ANXA13: variants seen among roughly 807,000 people sequenced by gnomAD.
The protein encoded by ANXA13 is annexin A13.
A neutral mutation model predicts 46.6 loss-of-function variants in ANXA13; 36 were observed. The ratio of observed to expected loss-of-function variants is 0.77; its 90% CI spans 0.59 to 1.02. The LOEUF (loss-of-function observed/expected upper bound fraction) is 1.02. Ranked by LOEUF, ANXA13 falls within the 50% of genes least tolerant of loss-of-function variation. The pLI is 0.00. For missense variants in ANXA13, 417 were observed against 396.5 expected (o/e 1.05, Z -0.44); for synonymous variants, 163 against 152.9 (o/e 1.07, Z -0.49).
chr8:123,688,355 C>G (rs1046266052), intron 9 of ANXA13, among the ~76,000 whole-genome samples: 3 of 152,206 alleles, frequency 2.0e-5, no homozygotes, highest in Non-Finnish European at 4.4e-5. Context: ...GATTGTGAGG[C>G]CTCCCCAGGC....
chr8:123,707,106 C>G (rs1252585342), intron 2 of ANXA13, among the ~76,000 whole-genome samples: 2 of 152,200 alleles, frequency 1.3e-5, no homozygotes, highest in Non-Finnish European at 2.9e-5. Context: ...CCATGGTATT[C>G]CCACAGAAGG....
intron 1 of ANXA13, among the ~76,000 whole-genome samples, chr8:123,727,368 C>T (rs1295982382): frequency 6.6e-6 from 1 of 151,854 alleles, no homozygotes; most frequent in South Asian, 2.1e-4. Flanking sequence ...TAGGGACATG[C>T]CTGGGCCAGA....
At chr8:123,713,362 A>T (rs921938413) in intron 1 of ANXA13, among the ~76,000 whole-genome samples, 9 of 152,246 alleles carry the variant, frequency 5.9e-5, no homozygotes, top group African/African-American at 2.2e-4. Flanking sequence ...GGCACAATAC[A>T]TGCACTATTG....
At chr8:123,729,756 G>A (rs890915211) in intron 1 of ANXA13, among the ~76,000 whole-genome samples, 2 of 151,900 alleles carry the variant, frequency 1.3e-5, no homozygotes, top group African/African-American at 4.8e-5. Flanking sequence ...CAGAGCTCCT[G>A]TTAGAATTGA....
At chr8:123,722,541 A>T (rs558440441) in intron 1 of ANXA13, among the ~76,000 whole-genome samples, 1 of 152,194 alleles carries the variant, frequency 6.6e-6, no homozygotes, top group Non-Finnish European at 1.5e-5. Flanking sequence ...AATAGAAAGT[A>T]AAATGAAAAA....
At chr8:123,721,586 T>C (rs1813873655) in intron 1 of ANXA13, among the ~76,000 whole-genome samples, 1 of 152,204 alleles carries the variant, frequency 6.6e-6, no homozygotes, top group South Asian at 2.1e-4. Flanking sequence ...TGGTGCTTTG[T>C]GTAGTGCCTT....
rs762365111 is a variant in ANXA13 at position 123,684,605 on chromosome 8, CT to C, written c.831+4del. 12 of 1,606,204 alleles carry C rather than the reference CT, an allele frequency of 7.5e-6. No homozygotes were observed. In the African/African-American group the frequency reaches 1.6e-4, roughly 22 times the overall value. ...CCGCCTCTTTGGAGTCGGAGTGTGT[CT>C]TACCTCGGCCCTGGTCACGACTATG... On this transcript the variant is annotated splice_donor_region_variant and intron_variant, in intron 10 of 10. Coordinates refer to ENST00000419625, the MANE Select transcript of ANXA13 (RefSeq NM_004306.4).
At chr8:123,701,191 C>T (rs1813440728) in intron 3 of ANXA13, among the ~76,000 whole-genome samples, 1 of 152,154 alleles carries the variant, frequency 6.6e-6, no homozygotes, top group African/African-American at 2.4e-5. Flanking sequence ...AATTCAGCTT[C>T]AGGCCAGGCA....
intron 2 of ANXA13, among the ~76,000 whole-genome samples, chr8:123,707,742 G>A (rs1312651331): frequency 6.6e-6 from 1 of 152,108 alleles, no homozygotes; most frequent in African/African-American, 2.4e-5. Context: ...AATACCTAAT[G>A]TAGATAACGG....
chr8:123,686,465 AAAAAAAAAG>A (rs1221074582), intron 9 of ANXA13, among the ~76,000 whole-genome samples: 2 of 146,736 alleles, frequency 1.4e-5, no homozygotes, highest in African/African-American at 5.0e-5. Flanking sequence ...GTCTTAAAAA[AAAAAAAAAG>A]AAAGAAAGAA....
At chr8:123,700,106 C>T (rs985237726) in intron 3 of ANXA13, among the ~76,000 whole-genome samples, 1 of 152,210 alleles carries the variant, frequency 6.6e-6, no homozygotes. Context: ...TGCAGTCCTA[C>T]AAGGGGGCTG....
At chr8:123,724,808 G>A (rs1813951630) in intron 1 of ANXA13, among the ~76,000 whole-genome samples, 1 of 152,182 alleles carries the variant, frequency 6.6e-6, no homozygotes. Context: ...CCAGGGGTTG[G>A]CAAACTGCAG....
intron 3 of ANXA13, among the ~76,000 whole-genome samples, chr8:123,701,934 T>G (rs1046713354): frequency 6.6e-6 from 1 of 152,232 alleles, no homozygotes; most frequent in Non-Finnish European, 1.5e-5. Flanking sequence ...AATTGTTACC[T>G]GCTCAGTATC....
intron 9 of ANXA13, among the ~76,000 whole-genome samples, chr8:123,686,929 T>A (rs1241945673): frequency 1.3e-5 from 2 of 152,252 alleles, no homozygotes; most frequent in South Asian, 2.1e-4. Flanking sequence ...ATCACTTTTT[T>A]TCGCTACCAC....
intron 1 of ANXA13, among the ~76,000 whole-genome samples, chr8:123,717,964 GCCCAGACTCGCA>G (rs1014613715): frequency 1.3e-5 from 2 of 152,220 alleles, no homozygotes; most frequent in African/African-American, 4.8e-5. Flanking sequence ...TGGGGCTCAC[GCCCAGACTCGCA>G]CCCAGGCTCG....
Position 123,693,252 on chromosome 8 carries a change from A to T in ANXA13, c.587T>A (p.Val196Asp). ...WGTDELAFNEVLAKRSYKQLR... is the reference protein window; with the variant it reads ...WGTDELAFNEDLAKRSYKQLR... Reference sequence around the variant, plus strand: ...CTGCTTGTAGCTCCTCTTGGCCAGGACTTCATTGAACGCAAGCTCATCAGT... The same window carrying T: ...CTGCTTGTAGCTCCTCTTGGCCAGGTCTTCATTGAACGCAAGCTCATCAGT... Residue 196 changes from valine to aspartate, a missense_variant, in exon 8 of 11, where the codon GTC (valine) becomes GAC (aspartate). Transcript: ENST00000419625. 6.2e-7 allele frequency: 1 copy of T among 1,614,122 alleles called. No individual in the cohort carries two copies.
chr8:123,722,382 G>GAAAGAAAGAAAGAAAGAAAGAAAGAAAGA (rs1316103645), intron 1 of ANXA13, among the ~76,000 whole-genome samples: 9 of 126,250 alleles, frequency 7.1e-5, no homozygotes, highest in African/African-American at 2.3e-4. Context: ...AAGAAAGAAA[G>GAAAGAAAGAAAGAAAGAAAGAAAGAAAGA]AAAGAAAGAA....
chr8:123,681,393 C>T (rs752416217), intron 10 of ANXA13, 34 bp from the exon 11 acceptor site: 13 of 1,603,522 alleles, frequency 8.1e-6, no homozygotes, highest in South Asian at 3.4e-5. Context: ...GAGATAAGAA[C>T]GTTTATGGTG....
At chr8:123,725,818 G>T (rs1344005466) in intron 1 of ANXA13, among the ~76,000 whole-genome samples, 1 of 152,200 alleles carries the variant, frequency 6.6e-6, no homozygotes, top group Non-Finnish European at 1.5e-5. Flanking sequence ...ATTCCTTCAT[G>T]CCTAGAACCT....
Sources: allele counts gnomAD v4.1 joint callset (sites outside exome capture counted in the v4.1 genomes callset), GRCh38; gene constraint gnomAD v4.1.1; transcripts MANE v1.5; gene names NCBI Gene and HGNC (gene_info 2026-07-23, HGNC 2026-07-21).